The following DIPK1A variants were observed in gnomAD, a reference collection of about 807,000 sequenced individuals.
DIPK1A encodes divergent protein kinase domain 1A, also known as family with sequence similarity 69 member A.
In DIPK1A, 27 loss-of-function variants were observed where a neutral mutation model predicts 40.8. The observed-to-expected ratio is 0.66, with a 90% confidence interval of 0.49 to 0.91. DIPK1A has a LOEUF of 0.91. DIPK1A is among the 40% of genes least tolerant of loss of function. DIPK1A has a pLI of 0.00. For missense variants in DIPK1A, 412 were observed against 505.7 expected (o/e 0.81, Z 1.78); for synonymous variants, 166 against 171.3 (o/e 0.97, Z 0.24).
intron 1 of DIPK1A, among the ~76,000 whole-genome samples, chr1:92,943,612 G>A (rs1470677306): frequency 6.6e-6 from 1 of 152,056 alleles, no homozygotes; most frequent in Non-Finnish European, 1.5e-5. Context: ...GAAAGCCAAG[G>A]CTTCTAGTGT....
intron 1 of DIPK1A, among the ~76,000 whole-genome samples, chr1:92,903,134 C>G (rs965048126): frequency 3.9e-4 from 60 of 152,246 alleles, no homozygotes; most frequent in African/African-American, 1.4e-3. Context: ...GTCTTGACCT[C>G]CCAGGACCTC....
chr1:92,892,281 C>T (rs576131882), intron 1 of DIPK1A, among the ~76,000 whole-genome samples: 4 of 152,150 alleles, frequency 2.6e-5, no homozygotes, highest in Admixed American at 6.5e-5. Flanking sequence ...ACTGACACCT[C>T]GCACAGCTGG....
At chr1:92,881,914 T>C (rs1275285995) in intron 1 of DIPK1A, among the ~76,000 whole-genome samples, 6 of 152,244 alleles carry the variant, frequency 3.9e-5, no homozygotes, top group Non-Finnish European at 5.9e-5. Context: ...TAGAAAAAAC[T>C]ATTTGTATAT....
intron 1 of DIPK1A, among the ~76,000 whole-genome samples, chr1:92,953,303 G>A (rs1288805256): frequency 1.3e-5 from 2 of 150,712 alleles, no homozygotes; most frequent in African/African-American, 4.9e-5. Context: ...CTTGTGTATT[G>A]TTGGTGGGAA....
chr1:92,842,192 C>G lies in DIPK1A; in HGVS notation c.*1191G>C, dbSNP rs143742255. 10 of 1,013,150 alleles carry G rather than the reference C, an allele frequency of 9.9e-6. No homozygotes were observed. In the East Asian group the frequency reaches 6.7e-4, roughly 68 times the overall value. 62.8% of individuals were successfully genotyped at this position (1,013,150 alleles called of 1,614,324 possible). A position where few individuals can be genotyped will look rare whatever the true frequency, so the allele number is the denominator to read the frequency against. ...TATTTCTTCCATCCATTTATTATAA[C>G]CAGATGATGAATGGGAAAAGTACCT... On this transcript the variant is annotated 3_prime_UTR_variant, in exon 5 of 5. Transcript: ENST00000370310.
At chr1:92,923,295 C>T (rs1009652208) in intron 1 of DIPK1A, among the ~76,000 whole-genome samples, 2 of 152,040 alleles carry the variant, frequency 1.3e-5, no homozygotes, top group African/African-American at 2.4e-5. Flanking sequence ...CCCACCACCA[C>T]GCCTGGGTAA....
At position 92,906,409 on chromosome 1, in the gene DIPK1A, G is replaced by T. The variant is rs1649625065; in HGVS notation, c.55-29979C>A. Among the ~76,000 whole-genome samples, 2 of 152,090 alleles carry T rather than the reference G, an allele frequency of 1.3e-5. 1 individual carries two copies. The highest frequency in any genetic ancestry group is 4.8e-5 in the African/African-American group (2 of 41,426). On this transcript the variant is annotated intron_variant, in intron 1 of 4. Coordinates refer to ENST00000370310, the MANE Select transcript of DIPK1A (RefSeq NM_001006605.5). ...TAGTTGGAATAACTTTATAAATGAG[G>T]CCCCAAAATGGTTTGGAATTTGTCA...
chr1:92,845,054 C>CCTGCCTCA (rs1687533702), intron 4 of DIPK1A, among the ~76,000 whole-genome samples: 1 of 148,388 alleles, frequency 6.7e-6, no homozygotes, highest in South Asian at 2.1e-4. Flanking sequence ...ACGCCATTCT[C>CCTGCCTCA]CTGCCTCACC....
downstream of DIPK1A, chr1:92,840,730 A>G (rs1168270218): frequency 1.1e-6 from 1 of 920,816 alleles, no homozygotes; most frequent in South Asian, 1.3e-5. Flanking sequence ...TGCAAACTCG[A>G]TCACTAGCTC....
rs1342782905 is a variant in DIPK1A, at chr1:92,844,036, T to C, written c.634A>G (p.Lys212Glu). Reference sequence around the variant, plus strand: ...CCCATTAATTTGGGGGTATGTTCTTTATCTTGAAGTATCACCATGAGAAGA... The same window carrying C: ...CCCATTAATTTGGGGGTATGTTCTTCATCTTGAAGTATCACCATGAGAAGA... ...EFLLMVILQD[K>E]EHTPKLMGFC... is the part of the protein sequence containing the mutation. Residue 212 changes from lysine (K) to glutamate (E), a missense_variant, in exon 5 of 5, where the codon AAA becomes GAA. Lys to Glu is a moderately conservative substitution (Grantham distance 56). Coordinates refer to ENST00000370310, the MANE Select transcript of DIPK1A (RefSeq NM_001006605.5). 1 of 1,552,136 alleles carries C rather than the reference T, an allele frequency of 6.4e-7. No individual in the cohort carries two copies. The highest frequency in any genetic ancestry group is 1.2e-5 in the South Asian group (1 of 84,062).
At chr1:92,861,321 CTTTTTTTTT>C (rs71230876) in intron 2 of DIPK1A, among the ~76,000 whole-genome samples, 1 of 83,540 alleles carries the variant, frequency 1.2e-5, no homozygotes, top group Admixed American at 2.0e-4. Flanking sequence ...CTCTCTCTCT[CTTTTTTTTT>C]TTTTTTTTTT....
intron 1 of DIPK1A, among the ~76,000 whole-genome samples, chr1:92,894,822 A>G (rs1306937965): frequency 6.6e-6 from 1 of 152,154 alleles, no homozygotes; most frequent in African/African-American, 2.4e-5. Flanking sequence ...TAAAGGGGAT[A>G]TCACCACTGA....
intron 1 of DIPK1A, among the ~76,000 whole-genome samples, chr1:92,913,385 A>AG (rs397815118): frequency 2.3e-3 from 353 of 151,812 alleles, no homozygotes; most frequent in African/African-American, 7.8e-3. Context: ...GAAAAAAAAA[A>AG]GGGGAAAATA....
chr1:92,837,363 C>A (rs749211199), downstream of DIPK1A: 1 of 1,088,652 alleles, frequency 9.2e-7, no homozygotes, highest in Non-Finnish European at 1.4e-6. Flanking sequence ...ATAATTGTTT[C>A]AAGACGGGAC....
chr1:92,957,357 G>A (rs759643580), intron 1 of DIPK1A, among the ~76,000 whole-genome samples: 10 of 152,246 alleles, frequency 6.6e-5, no homozygotes, highest in Non-Finnish European at 1.3e-4. Context: ...TGATCTCAGA[G>A]GCAGGATTCT....
At chr1:92,851,556 A>AAAAAAC (rs1553124407) in intron 2 of DIPK1A, among the ~76,000 whole-genome samples, 1 of 94,962 alleles carries the variant, frequency 1.1e-5, no homozygotes, top group Non-Finnish European at 2.3e-5. Flanking sequence ...AAAAAAAAAA[A>AAAAAAC]AAAAAACTTC....
chr1:92,931,600 C>G (rs764048181), intron 1 of DIPK1A: 1 of 156,660 alleles, frequency 6.4e-6, no homozygotes, highest in Non-Finnish European at 1.4e-5. Context: ...GAGGACTGCT[C>G]CCAAAGAGAA....
chr1:92,854,752 A>G (rs1208461612), intron 2 of DIPK1A, among the ~76,000 whole-genome samples: 4 of 152,224 alleles, frequency 2.6e-5, no homozygotes, highest in Non-Finnish European at 5.9e-5. Context: ...GAGAGGCCCA[A>G]TGCCTTTCTT....
intron 1 of DIPK1A, among the ~76,000 whole-genome samples, chr1:92,942,255 G>C (rs1420845721): frequency 6.6e-6 from 1 of 152,148 alleles, no homozygotes; most frequent in African/African-American, 2.4e-5. Context: ...AGACTGAAAA[G>C]GCTTGTTTAT....
Sources: gnomAD v4.1 joint callset for allele counts (sites outside exome capture counted in the v4.1 genomes callset) on GRCh38, gnomAD v4.1.1 for gene constraint, MANE v1.5 for transcripts, NCBI Gene and HGNC (gene_info 2026-07-23, HGNC 2026-07-21) for gene names.